Variants in COMMD8 observed in about 807,000 individuals in gnomAD.
COMMD8 encodes COMM domain-containing protein 8.
A neutral mutation model predicts 27.2 loss-of-function variants in COMMD8; 28 were observed. The observed-to-expected ratio is 1.03, with a 90% CI of 0.76 to 1.41. The LOEUF (loss-of-function observed/expected upper bound fraction) is 1.41, where lower values mean the gene tolerates loss of function less well. Among genes scored for constraint, COMMD8 ranks in the 40% most tolerant of loss-of-function variants. The pLI, the probability that COMMD8 is intolerant of heterozygous loss-of-function variation, is 0.00. For synonymous variants in COMMD8, 79 were observed against 75.5 expected, an observed-to-expected ratio of 1.05 and a Z score of -0.24; for missense variants, 217 against 211.2, an observed-to-expected ratio of 1.03 and a Z score of -0.17.
chr4:47,455,055 G>A (rs576843386), intron 3 of COMMD8, among the ~76,000 whole-genome samples: 1 of 151,962 alleles, frequency 6.6e-6, no homozygotes, highest in East Asian at 2.0e-4. Context: ...CTGGTGCCCA[G>A]GCTGGAGTGA....
intron 1 of COMMD8, among the ~76,000 whole-genome samples, chr4:47,461,820 A>G (rs751731942): frequency 4.6e-5 from 7 of 152,230 alleles, no homozygotes; most frequent in Non-Finnish European, 1.0e-4. Flanking sequence ...GAGAATAAAT[A>G]AGGCCCTACC....
chr4:47,452,515 C>T (rs555557122), intron 4 of COMMD8, among the ~76,000 whole-genome samples: 1 of 151,842 alleles, frequency 6.6e-6, no homozygotes, highest in South Asian at 2.1e-4. Flanking sequence ...TAGAATAGCA[C>T]TATTATTCTT....
chr4:47,451,538 C>T lies in COMMD8; in HGVS notation c.*107G>A. 2 of 819,740 alleles carry T rather than the reference C, an allele frequency of 2.4e-6. No homozygotes were observed. The highest frequency in any genetic ancestry group is 4.1e-6 in the Non-Finnish European group (2 of 492,408). 50.8% of individuals were successfully genotyped at this position (819,740 alleles called of 1,614,324 possible). Reference sequence around the variant, plus strand: ...ATATCAATATTGCTGCTTTCTCAGCCTGGTGCAACAGTCAAGACATCACAA... The same window carrying T: ...ATATCAATATTGCTGCTTTCTCAGCTTGGTGCAACAGTCAAGACATCACAA... On this transcript the variant is annotated 3_prime_UTR_variant, in exon 5 of 5. Transcript: ENST00000381571.
In COMMD8 at chr4:47,455,929, T is replaced by C. The variant is rs574732842; in HGVS notation, c.375+648A>G. 2.0e-5 allele frequency among the ~76,000 whole-genome samples: 3 copies of C among 152,246 alleles called. No homozygotes were observed. In the East Asian group the frequency reaches 5.8e-4, roughly 29 times the overall value. Reference sequence around the variant, plus strand: ...ACATTTACCAGTCTTAAGAAAGCTATAAAGTCTAGAAAGTTGTGGTCAAAA... The same window carrying C: ...ACATTTACCAGTCTTAAGAAAGCTACAAAGTCTAGAAAGTTGTGGTCAAAA... On this transcript the variant is annotated intron_variant, in intron 3 of 4. Transcript: ENST00000381571.
chr4:47,451,653 A>G lies in COMMD8; in HGVS notation c.544T>C (p.Leu182=), dbSNP rs1306819339. Residue 182 remains leucine, a synonymous_variant, in exon 5 of 5, where the codon TTG becomes CTG. Transcript: ENST00000381571. ...GTATTCATCATTTCCAGTTATTTCA[A>G]CTGCAGGACCACCTTAAAACACAAA... The part of the protein sequence containing the change: ...LEAANKVVLQ[L]K 1 of 1,584,838 alleles carries G rather than the reference A, an allele frequency of 6.3e-7. No individual in the cohort carries two copies. The highest frequency in any genetic ancestry group is 1.4e-5 in the African/African-American group (1 of 72,194).
In COMMD8 at chr4:47,456,601, T is replaced by C; in HGVS notation, c.351A>G (p.Leu117=). 6.2e-7 allele frequency: 1 copy of C among 1,607,788 alleles called. No homozygotes were observed. Among genetic ancestry groups the C allele is most frequent in the Non-Finnish European group, 8.5e-7 (1 of 1,177,778 alleles). The change falls in exon 3 of 5, where the codon CTA becomes CTG. Residue 117 remains leucine, a synonymous_variant. Coordinates refer to ENST00000381571, the MANE Select transcript of COMMD8 (RefSeq NM_017845.5). ...CCTTTACCTGCCAATCAAAATCCTG[T>C]AGCTGTGCAGAGGAAATAGCAACTA... ...REIVAISSAQ[L]QDFDWQVKLA...
Position 47,451,421 on chromosome 4 carries a change from G to A in COMMD8, c.*224C>T. The A allele has an allele frequency of 2.2e-6, 1 of 447,560 alleles. No homozygotes were observed. Among genetic ancestry groups the A allele is most frequent in the South Asian group, 3.4e-5 (1 of 28,996 alleles). The allele number at this position is 447,560 out of a possible 1,614,324, so 27.7% of individuals were successfully genotyped here. ...CAAAACAATCATGAAAATATAAACT[G>A]CTACTATAGATTTTTCATCTTTCAT... On this transcript the variant is annotated 3_prime_UTR_variant, in exon 5 of 5. Transcript: ENST00000381571.
chr4:47,460,889 T>C (rs1730008176), intron 1 of COMMD8, among the ~76,000 whole-genome samples: 1 of 152,196 alleles, frequency 6.6e-6, no homozygotes, highest in South Asian at 2.1e-4. Context: ...ATTAGTATCT[T>C]AATATCAGCA....
intron 1 of COMMD8, among the ~76,000 whole-genome samples, chr4:47,462,631 G>A: frequency 6.6e-6 from 1 of 152,100 alleles, no homozygotes; most frequent in East Asian, 1.9e-4. Context: ...TAAAGGTTAT[G>A]GGCCTTATCT....
At chr4:47,455,298 G>T (rs28425630) in intron 3 of COMMD8, among the ~76,000 whole-genome samples, 80 of 152,194 alleles carry the variant, frequency 5.3e-4, no homozygotes, top group African/African-American at 1.9e-3. Flanking sequence ...TTACAGGTGT[G>T]AGCCACCGTG....
Position 47,459,111 on chromosome 4 carries a change from C to G in COMMD8, c.222+1033G>C, listed in dbSNP as rs992964031. 3.3e-5 allele frequency among the ~76,000 whole-genome samples: 5 copies of G among 152,016 alleles called. No individual in the cohort carries two copies. In the South Asian group the frequency reaches 1.0e-3, roughly 31 times the overall value. The stretch of plus-strand genomic sequence containing the variant: ...CAGCACAAATATTTCTGAAACAAAA[C>G]ATTAATAGTATTAGCCAGCAAAAGA... On this transcript the variant is annotated intron_variant, in intron 2 of 4. Transcript: ENST00000381571.
chr4:47,460,634 T>C (rs1729999374), intron 1 of COMMD8, among the ~76,000 whole-genome samples: 2 of 152,208 alleles, frequency 1.3e-5, no homozygotes, highest in Admixed American at 1.3e-4. Context: ...TCTCTTACTG[T>C]AGGCCTATAA....
chr4:47,456,500 A>G, intron 3 of COMMD8, 77 bp downstream of exon 3: 1 of 998,440 alleles, frequency 1.0e-6, no homozygotes, highest in South Asian at 2.1e-5. Flanking sequence ...AACAAATTTT[A>G]TATATATGAT....
rs1260139553 is a variant in COMMD8, at chr4:47,463,595, C to T, written c.57G>A (p.Leu19=). 9 of 1,546,126 alleles carry T rather than the reference C, an allele frequency of 5.8e-6. No homozygotes were observed. The highest frequency in any genetic ancestry group is 1.2e-5 in the South Asian group (1 of 83,868). ...LWRLQKLPAE[L]GPQLLHKIID... is the part of the protein sequence containing the mutation. ...CGGTACCCGCCCTCACCTGCGGGCC[C>T]AGCTCGGCCGGCAGCTTCTGCAGCC... The change falls in exon 1 of 5, where the codon CTG becomes CTA. Residue 19 remains leucine, a synonymous_variant. Transcript: ENST00000381571.
intron 2 of COMMD8, 130 bp from the exon 3 acceptor site, chr4:47,456,859 A>G (rs1187801462): frequency 6.1e-6 from 4 of 652,640 alleles, no homozygotes; most frequent in Non-Finnish European, 9.6e-6. Context: ...TATAAAAAAG[A>G]GTAAGATGAG....
In COMMD8 at chr4:47,456,993, C is replaced by T. The variant is rs558429148; in HGVS notation, c.223-264G>A. ...GAAAACACCAAAGCTGATACCACCACGCAGGGTGAGTATCTCAAATCCCAA... is the reference window on the plus strand; with the variant it reads ...GAAAACACCAAAGCTGATACCACCATGCAGGGTGAGTATCTCAAATCCCAA... On this transcript the variant is annotated intron_variant, in intron 2 of 4. Transcript: ENST00000381571. 5.3e-5 allele frequency among the ~76,000 whole-genome samples: 8 copies of T among 152,300 alleles called. No individual in the cohort carries two copies. In the South Asian group the frequency reaches 1.2e-3, roughly 24 times the overall value.
intron 1 of COMMD8, among the ~76,000 whole-genome samples, chr4:47,460,785 C>A (rs748671440): frequency 1.0e-3 from 156 of 152,214 alleles, no homozygotes; most frequent in Non-Finnish European, 1.3e-3. Flanking sequence ...GGACTGCAGA[C>A]GAGCACCACC....
At chr4:47,462,819 G>GT (rs942025470) in intron 1 of COMMD8, among the ~76,000 whole-genome samples, 25 of 150,982 alleles carry the variant, frequency 1.7e-4, no homozygotes, top group African/African-American at 4.1e-4. Flanking sequence ...AGAATTAGGT[G>GT]TTTTTTTTTC....
At chr4:47,460,684 T>A (rs1027390632) in intron 1 of COMMD8, among the ~76,000 whole-genome samples, 1 of 152,150 alleles carries the variant, frequency 6.6e-6, no homozygotes, top group African/African-American at 2.4e-5. Context: ...AACATACTTT[T>A]TTTTCTTTTG....
Sources: allele counts gnomAD v4.1 joint callset (sites outside exome capture counted in the v4.1 genomes callset), GRCh38; gene constraint gnomAD v4.1.1; transcripts MANE v1.5; gene names NCBI Gene and HGNC (gene_info 2026-07-23, HGNC 2026-07-21).